Variants in AP5Z1 observed in about 807,000 individuals in gnomAD.
AP5Z1 encodes the protein AP-5 complex subunit zeta-1.
A neutral mutation model predicts 83.0 loss-of-function variants in AP5Z1; 106 were observed. The ratio of observed to expected loss-of-function variants is 1.28; its 90% CI spans 1.09 to 1.50. The LOEUF is 1.50. Ranked by LOEUF, AP5Z1 falls within the 40% of genes most tolerant of loss-of-function variation. The pLI is 0.00. For synonymous variants in AP5Z1, 751 were observed against 514.1 expected, an observed-to-expected ratio of 1.46 and a Z score of -6.23; for missense variants, 1,565 against 1,094.2, an observed-to-expected ratio of 1.43 and a Z score of -6.07.
rs1382492842 is a variant in AP5Z1 at position 4,791,337 on chromosome 7, C to A, written c.2376C>A (p.Arg792=). 1 of 1,609,988 alleles carries A rather than the reference C, an allele frequency of 6.2e-7. No individual in the cohort carries two copies. Among genetic ancestry groups the A allele is most frequent in the Admixed American group, 1.7e-5 (1 of 59,710 alleles). ...DANTALPLAL[R]TVSRLVEREA... is the part of the protein sequence containing the mutation. ...ACACGGCCCTGCCCCTGGCCCTGCG[C>A]ACGGTCAGCCGGCTGGTGGAGAGGG... The change falls in exon 17 of 17, where the codon CGC becomes CGA. Residue 792 remains arginine (R), a synonymous_variant. Transcript: ENST00000649063.
intron 9 of AP5Z1, 96 bp from the exon 10 acceptor site, chr7:4,786,145 TGGTGTCCTG>T: frequency 8.1e-7 from 1 of 1,236,212 alleles, no homozygotes. Flanking sequence ...TCGGAGCCCT[TGGTGTCCTG>T]GAGAGCAGGC....
Position 4,792,689 on chromosome 7 carries a change from G to A in AP5Z1, c.*1304G>A, listed in dbSNP as rs1352319566. ...GATGACAGCCCAGGGCCGCTGAGCC[G>A]GGGCCGCAGGAAAGGCTGGCGCTGG... On this transcript the variant is annotated 3_prime_UTR_variant, in exon 17 of 17. Transcript: ENST00000649063. The A allele has an allele frequency of 2.6e-5, 4 of 152,202 alleles. No individual in the cohort carries two copies. The highest frequency in any genetic ancestry group is 5.9e-5 in the Non-Finnish European group (4 of 68,046). The allele number at this position is 152,202 out of a possible 1,614,324, so 9.4% of individuals were successfully genotyped here. A position where few individuals can be genotyped will look rare whatever the true frequency, so the allele number is the denominator to read the frequency against.
rs1039043249 is a variant in AP5Z1 at position 4,780,663 on chromosome 7, G to T, written c.42-512G>T. Among the ~76,000 whole-genome samples the T allele has an allele frequency of 2.0e-5, 3 of 152,204 alleles. No individual in the cohort carries two copies. The East Asian group carries it at 5.8e-4, about 29-fold the overall frequency. On this transcript the variant is annotated intron_variant, in intron 1 of 16. Transcript: ENST00000649063. ...TGCCTGTAATCCCATCTACTCGGAA[G>T]ACTGAGGCAGGAGAATTGCTTGAAC... is the stretch of plus-strand genomic sequence containing the variant.
chr7:4,786,417 A>G lies in AP5Z1; in HGVS notation c.1300A>G (p.Asn434Asp). 2 of 1,613,790 alleles carry G rather than the reference A, an allele frequency of 1.2e-6. No individual in the cohort carries two copies. Among genetic ancestry groups the G allele is most frequent in the Non-Finnish European group, 1.7e-6 (2 of 1,179,838 alleles). Residue 434 changes from asparagine (N) to aspartate (D), a missense_variant, in exon 10 of 17, where the codon AAC (asparagine) becomes GAC (aspartate). Coordinates refer to ENST00000649063, the MANE Select transcript of AP5Z1 (RefSeq NM_014855.3). Reference protein sequence around the residue: ...HLSTLRLSFPNLFKFLAWNSP... With the variant: ...HLSTLRLSFPDLFKFLAWNSP... ...CAGCACCCTCAGATTGAGCTTCCCC[A>G]ACCTCTTTAAGGTATATTTGGGCAT... is the stretch of plus-strand genomic sequence containing the variant.
intron 6 of AP5Z1, 126 bp from the exon 7 acceptor site, chr7:4,784,782 G>GACGACTC (rs1280876689): frequency 2.3e-6 from 3 of 1,305,708 alleles, no homozygotes; most frequent in Non-Finnish European, 3.1e-6. Flanking sequence ...CTGAGACGGT[G>GACGACTC]ACGCCTCACG....
rs1210089158 is a variant in AP5Z1, at chr7:4,793,477, C to T, written c.*2092C>T. 1.3e-5 allele frequency: 2 copies of T among 152,804 alleles called. No individual in the cohort carries two copies. The highest frequency in any genetic ancestry group is 1.3e-4 in the Admixed American group (2 of 15,296). The allele number at this position is 152,804 out of a possible 1,614,324, so 9.5% of individuals were successfully genotyped here. A position where few individuals can be genotyped will look rare whatever the true frequency, so the allele number is the denominator to read the frequency against. On this transcript the variant is annotated 3_prime_UTR_variant, in exon 17 of 17. Transcript: ENST00000649063. Reference sequence around the variant, plus strand: ...GCCACTGCACTGTGGGAGCCCCTTTCAGGGCTGGCCAAGGCCGGAGCCGGC... The same window carrying T: ...GCCACTGCACTGTGGGAGCCCCTTTTAGGGCTGGCCAAGGCCGGAGCCGGC...
At chr7:4,782,070 A>T (rs1247012083) in intron 3 of AP5Z1, among the ~76,000 whole-genome samples, 2 of 152,036 alleles carry the variant, frequency 1.3e-5, no homozygotes, top group Non-Finnish European at 2.9e-5. Context: ...TTTGTTTTTT[A>T]GAAACAGGGT....
At chr7:4,785,771 T>C in intron 9 of AP5Z1, 87 bp downstream of exon 9, 1 of 1,404,840 alleles carries the variant, frequency 7.1e-7, no homozygotes, top group Non-Finnish European at 9.3e-7. Context: ...TTTTTTTTTT[T>C]TTTTTTTTTG....
At chr7:4,783,262 A>G in intron 3 of AP5Z1, 54 bp from the exon 4 acceptor site, 1 of 1,508,294 alleles carries the variant, frequency 6.6e-7, no homozygotes, top group Non-Finnish European at 8.9e-7. Flanking sequence ...GAAATGGGGG[A>G]GCTGGTCTCT....
intron 7 of AP5Z1, 71 bp downstream of exon 7, chr7:4,785,119 C>T: frequency 6.6e-7 from 1 of 1,524,836 alleles, no homozygotes. Flanking sequence ...CACCTGAGGC[C>T]AGCACAGCTT....
At chr7:4,779,401 C>T (rs1365547203) in intron 1 of AP5Z1, among the ~76,000 whole-genome samples, 2 of 144,812 alleles carry the variant, frequency 1.4e-5, no homozygotes, top group African/African-American at 2.6e-5. Flanking sequence ...TATTATATAT[C>T]ATATATAACA....
chr7:4,791,168 G>A lies in AP5Z1; in HGVS notation c.2207G>A (p.Ser736Asn), dbSNP rs775902627. The A allele has an allele frequency of 5.0e-6, 8 of 1,586,658 alleles. No homozygotes were observed. The East Asian group carries it at 6.7e-5, about 13-fold the overall frequency. Residue 736 changes from serine to asparagine, a missense_variant, in exon 17 of 17, where the codon AGC becomes AAC. Coordinates refer to ENST00000649063, the MANE Select transcript of AP5Z1 (RefSeq NM_014855.3). ...MRTLAHSPAT[S>N]STHSEEGAEA... ...ACCCTGGCTCACAGTCCAGCCACCA[G>A]CTCCACGCACAGCGAGGAGGGCGCG...
rs11766611 is a variant in AP5Z1 at position 4,790,832 on chromosome 7, G to A, written c.2098G>A (p.Val700Met). Residue 700 changes from valine to methionine, a missense_variant, in exon 16 of 17, where the codon GTG (valine) becomes ATG (methionine). Transcript: ENST00000649063. ...LPRCPPQVVTVLMTTLTKLAS... is the reference protein window; with the variant it reads ...LPRCPPQVVTMLMTTLTKLAS... The stretch of plus-strand genomic sequence containing the variant: ...CAGGTGTCCCCCCCAGGTGGTCACC[G>A]TGCTGATGACCACGCTGACGAAGCT... The A allele has an allele frequency of 0.022, 34,971 of 1,609,232 alleles. 432 individuals carry two copies. Among genetic ancestry groups the A allele is most frequent in the Non-Finnish European group, 0.026 (30,253 of 1,178,802 alleles).
rs1781835342 is a variant in AP5Z1 at position 4,793,006 on chromosome 7, C to G, written c.*1621C>G. 1 of 155,372 alleles carries G rather than the reference C, an allele frequency of 6.4e-6. No individual in the cohort carries two copies. 9.6% of individuals were successfully genotyped at this position (155,372 alleles called of 1,614,324 possible). A position where few individuals can be genotyped will look rare whatever the true frequency, so the allele number is the denominator to read the frequency against. On this transcript the variant is annotated 3_prime_UTR_variant, in exon 17 of 17. Transcript: ENST00000649063. Reference sequence around the variant, plus strand: ...CTGACCTGAAGGCGTCGGGGGTGTCCTGGCTCCCAGCTCCCAGGCACTCGT... The same window carrying G: ...CTGACCTGAAGGCGTCGGGGGTGTCGTGGCTCCCAGCTCCCAGGCACTCGT...
Position 4,781,207 on chromosome 7 carries a change from G to A in AP5Z1, c.74G>A (p.Cys25Tyr), listed in dbSNP as rs755673356. 3.1e-6 allele frequency: 5 copies of A among 1,613,664 alleles called. No individual in the cohort carries two copies. In the East Asian group the frequency reaches 8.9e-5, roughly 29 times the overall value. Residue 25 changes from cysteine to tyrosine, a missense_variant, in exon 2 of 17, where the codon TGT (cysteine) becomes TAT (tyrosine). By Grantham distance (194) the Cys-to-Tyr change is radical. Transcript: ENST00000649063. Reference protein sequence around the residue: ...EIQDEELKKFCSRICKLLQAE... With the variant: ...EIQDEELKKFYSRICKLLQAE... ...CAGGACGAGGAGCTGAAGAAGTTCT[G>A]TTCCCGGATCTGTAAACTGCTGCAG...
Position 4,791,684 on chromosome 7 carries a change from T to C in AP5Z1, c.*299T>C, listed in dbSNP as rs1048910965. On this transcript the variant is annotated 3_prime_UTR_variant, in exon 17 of 17. Coordinates refer to ENST00000649063, the MANE Select transcript of AP5Z1 (RefSeq NM_014855.3). ...GGTCGGGTGGAGGCTGCTGGGTCTG[T>C]TTCCTAGTCTTTTGTTTTTGGACAG... The C allele has an allele frequency of 6.1e-5, 29 of 478,032 alleles. No homozygotes were observed. Among genetic ancestry groups the C allele is most frequent in the African/African-American group, 4.8e-4 (25 of 51,666 alleles). The allele number at this position is 478,032 out of a possible 1,614,324, so 29.6% of individuals were successfully genotyped here. A position where few individuals can be genotyped will look rare whatever the true frequency, so the allele number is the denominator to read the frequency against.
At chr7:4,778,341 T>G (rs1338197766) in intron 1 of AP5Z1, among the ~76,000 whole-genome samples, 2 of 151,860 alleles carry the variant, frequency 1.3e-5, no homozygotes, top group African/African-American at 2.4e-5. Context: ...GAAGGATAAA[T>G]GGAGAGAGCG....
rs770095188 is a variant in AP5Z1, at chr7:4,783,466, C to T, written c.511+6C>T. On this transcript the variant is annotated splice_donor_region_variant and intron_variant, in intron 4 of 16. Transcript: ENST00000649063. ...CCCGGGCACCCTCCAGGAGGGTACG[C>T]GGGGCCCCTCCCAAGAGGCTGTTGG... 5.2e-5 allele frequency: 83 copies of T among 1,595,386 alleles called. No individual in the cohort carries two copies. Among genetic ancestry groups the T allele is most frequent in the Non-Finnish European group, 6.6e-5 (77 of 1,170,264 alleles).
rs1447644364 is a variant in AP5Z1, at chr7:4,793,355, T to A, written c.*1970T>A. On this transcript the variant is annotated 3_prime_UTR_variant, in exon 17 of 17. Transcript: ENST00000649063. Reference sequence around the variant, plus strand: ...TTATATGCTAAGTGAAAGTGAGAAGTGACAGCCTGCTGGCAGTCCTCACAG... The same window carrying A: ...TTATATGCTAAGTGAAAGTGAGAAGAGACAGCCTGCTGGCAGTCCTCACAG... 1 of 152,326 alleles carries A rather than the reference T, an allele frequency of 6.6e-6. No homozygotes were observed. Among genetic ancestry groups the A allele is most frequent in the Non-Finnish European group, 1.5e-5 (1 of 68,082 alleles). The allele number at this position is 152,326 out of a possible 1,614,324, so 9.4% of individuals were successfully genotyped here.
Sources: gnomAD v4.1 joint callset for allele counts (sites outside exome capture counted in the v4.1 genomes callset) on GRCh38, gnomAD v4.1.1 for gene constraint, MANE v1.5 for transcripts, NCBI Gene and HGNC (gene_info 2026-07-23, HGNC 2026-07-21) for gene names.